Variants in CRYL1 observed in about 807,000 individuals in gnomAD.
The protein encoded by CRYL1 is lambda-crystallin homolog.
CRYL1 carries 29 observed loss-of-function variants against 36.6 expected under a neutral mutation model. The observed-to-expected ratio is 0.79, with a 90% CI of 0.59 to 1.08. The LOEUF (loss-of-function observed/expected upper bound fraction) is 1.08, where lower values mean the gene tolerates loss of function less well. CRYL1 is among the 50% of genes least tolerant of loss of function. The pLI, the probability that CRYL1 is intolerant of heterozygous loss-of-function variation, is 0.00. For synonymous variants in CRYL1, 152 were observed against 151.5 expected (o/e 1.00, Z -0.02); for missense variants, 411 against 407.9 (o/e 1.01, Z -0.06).
In CRYL1 at chr13:20,512,421, T is replaced by A. The variant is rs565264968; in HGVS notation, c.149+22A>T. On this transcript the variant is annotated intron_variant, in intron 2 of 7. Coordinates refer to ENST00000298248, the MANE Select transcript of CRYL1 (RefSeq NM_015974.3). ...GAAACAGACCCACTTCCATTCCTTC[T>A]GGAGAGCGCCGGCTGGCCCACCTGA... 21 of 1,553,264 alleles carry A rather than the reference T, an allele frequency of 1.4e-5. No individual in the cohort carries two copies. The East Asian group carries it at 4.3e-4, about 32-fold the overall frequency.
intron 3 of CRYL1, among the ~76,000 whole-genome samples, chr13:20,443,235 A>C (rs1156503979): frequency 1.3e-5 from 2 of 152,184 alleles, no homozygotes; most frequent in African/African-American, 2.4e-5. Context: ...GACCACTCCC[A>C]GGGGAAGGGT....
chr13:20,430,725 G>T (rs778398686), intron 5 of CRYL1: 1 of 985,148 alleles, frequency 1.0e-6, no homozygotes, highest in African/African-American at 1.7e-5. Context: ...TACTCAGGGC[G>T]CTAAAATATC....
Position 20,432,202 on chromosome 13 carries a change from T to G in CRYL1, c.533A>C (p.Lys178Thr). The G allele has an allele frequency of 6.2e-7, 1 of 1,614,014 alleles. No homozygotes were observed. Among genetic ancestry groups the G allele is most frequent in the Non-Finnish European group, 8.5e-7 (1 of 1,180,010 alleles). ...TVDRTHALMK[K>T]IGQCPMRVQK... ...GACTCGCATGGGGCACTGTCCAATC[T>G]TCTTCATCAGGGCGTGGGTTCTGTC... is the stretch of plus-strand genomic sequence containing the variant. The change falls in exon 5 of 8, where the codon AAG becomes ACG. Residue 178 changes from lysine to threonine, a missense_variant. Lys to Thr is a moderately conservative substitution (Grantham distance 78). Transcript: ENST00000298248.
At chr13:20,429,887 T>C (rs1232949083) in intron 5 of CRYL1, among the ~76,000 whole-genome samples, 1 of 152,182 alleles carries the variant, frequency 6.6e-6, no homozygotes, top group East Asian at 1.9e-4. Flanking sequence ...TTCAACCTGC[T>C]ACTGGAATGC....
chr13:20,427,705 GA>G (rs1015595658), intron 5 of CRYL1, among the ~76,000 whole-genome samples: 6 of 104,164 alleles, frequency 5.8e-5, no homozygotes, highest in East Asian at 2.7e-4. Context: ...AAAATAAAAG[GA>G]AAAAAAAATC....
In CRYL1 at chr13:20,404,819, CAG is replaced by C. The variant is rs67871298; in HGVS notation, c.740-80_740-79del. 0.097 allele frequency: 94,314 copies of C among 969,474 alleles called. 6,134 individuals are homozygous for C. The highest frequency in any genetic ancestry group is 0.19 in the Admixed American group (10,718 of 55,986). The allele number at this position is 969,474 out of a possible 1,614,324, so 60.1% of individuals were successfully genotyped here. On this transcript the variant is annotated intron_variant, in intron 6 of 7. Coordinates refer to ENST00000298248, the MANE Select transcript of CRYL1 (RefSeq NM_015974.3). ...TTATATTCAAACTCAGAAATGCATT[CAG>C]AGAGTTTCACCCTGGGGTCAGATAA...
At chr13:20,499,557 G>T in intron 2 of CRYL1, among the ~76,000 whole-genome samples, 1 of 151,622 alleles carries the variant, frequency 6.6e-6, no homozygotes, top group Admixed American at 6.6e-5. Flanking sequence ...GGAGGCTGAG[G>T]CAGGAGAGTG....
intron 5 of CRYL1, chr13:20,426,884 G>C (rs543156740): frequency 1.0e-6 from 1 of 985,340 alleles, no homozygotes; most frequent in Non-Finnish European, 1.2e-6. Flanking sequence ...CAATCTCTGC[G>C]GCCCAGGCCC....
chr13:20,426,694 G>T, intron 5 of CRYL1: 1 of 985,308 alleles, frequency 1.0e-6, no homozygotes, highest in Non-Finnish European at 1.2e-6. Flanking sequence ...CCACAAAAAA[G>T]CCTCATCTGT....
At chr13:20,508,228 C>CA (rs1431643729) in intron 2 of CRYL1, among the ~76,000 whole-genome samples, 9 of 151,430 alleles carry the variant, frequency 5.9e-5, no homozygotes, top group Admixed American at 1.3e-4. Flanking sequence ...GACATGGTCT[C>CA]AAAAAAAATA....
chr13:20,497,106 G>C (rs56959765), intron 2 of CRYL1, among the ~76,000 whole-genome samples: 1 of 152,068 alleles, frequency 6.6e-6, no homozygotes, highest in Non-Finnish European at 1.5e-5. Flanking sequence ...TGAGGAGTGG[G>C]AGGTGACAAG....
chr13:20,514,755 T>C (rs1439878055), intron 1 of CRYL1, among the ~76,000 whole-genome samples: 1 of 152,186 alleles, frequency 6.6e-6, no homozygotes, highest in Admixed American at 6.5e-5. Flanking sequence ...TAGGGGAAAT[T>C]TGGTGAGATG....
chr13:20,495,884 C>T (rs2033597297), intron 2 of CRYL1, among the ~76,000 whole-genome samples: 1 of 152,176 alleles, frequency 6.6e-6, no homozygotes. Flanking sequence ...TACAACCTCC[C>T]CCTCCCGGCT....
chr13:20,477,288 G>A (rs1330423930), intron 3 of CRYL1, among the ~76,000 whole-genome samples: 1 of 152,090 alleles, frequency 6.6e-6, no homozygotes, highest in Non-Finnish European at 1.5e-5. Context: ...TGATCACACA[G>A]CTACATTCCA....
At chr13:20,506,075 C>T (rs2033792394) in intron 2 of CRYL1, among the ~76,000 whole-genome samples, 1 of 152,188 alleles carries the variant, frequency 6.6e-6, no homozygotes, top group African/African-American at 2.4e-5. Flanking sequence ...AAAAAGGTAG[C>T]TTTATTTAAA....
At chr13:20,495,487 G>C (rs1009469551) in intron 2 of CRYL1, among the ~76,000 whole-genome samples, 1 of 152,148 alleles carries the variant, frequency 6.6e-6, no homozygotes, top group Non-Finnish European at 1.5e-5. Flanking sequence ...AAAGGAGCAT[G>C]TATTTATTTT....
chr13:20,431,934 G>C, intron 5 of CRYL1, 168 bp downstream of exon 5: 1 of 1,534,524 alleles, frequency 6.5e-7, no homozygotes. Flanking sequence ...TGGTTCTAAA[G>C]CTGGCCCTTG....
At chr13:20,501,225 T>C (rs1463743080) in intron 2 of CRYL1, among the ~76,000 whole-genome samples, 1 of 152,182 alleles carries the variant, frequency 6.6e-6, no homozygotes, top group Non-Finnish European at 1.5e-5. Context: ...ACTCTTGGTG[T>C]TTTGGTAACA....
At chr13:20,440,327 A>G (rs1043454560) in intron 3 of CRYL1, among the ~76,000 whole-genome samples, 1 of 152,200 alleles carries the variant, frequency 6.6e-6, no homozygotes, top group Non-Finnish European at 1.5e-5. Context: ...TAGGGCCCTC[A>G]GCCATGAAAC....
Sources: allele counts gnomAD v4.1 joint callset (sites outside exome capture counted in the v4.1 genomes callset), GRCh38; gene constraint gnomAD v4.1.1; transcripts MANE v1.5; gene names NCBI Gene and HGNC (gene_info 2026-07-23, HGNC 2026-07-21).